The following NCLN variants were observed in gnomAD, a reference collection of about 807,000 sequenced individuals.
The protein encoded by NCLN is nicalin, also known as BOS complex subunit NCLN.
NCLN carries 34 observed loss-of-function variants against 69.5 expected under a neutral mutation model. That is an observed-to-expected ratio of 0.49 (90% confidence interval 0.37 to 0.65). The LOEUF is 0.65. NCLN is among the 30% of genes least tolerant of loss of function. The probability of loss-of-function intolerance (pLI) is 0.00; values close to 1 mark genes in which losing one functional copy is unlikely to be tolerated. For synonymous variants in NCLN, 393 were observed against 358.3 expected, an observed-to-expected ratio of 1.10 and a Z score of -1.09; for missense variants, 710 against 804.8, an observed-to-expected ratio of 0.88 and a Z score of 1.42.
chr19:3,203,442 CGTG>C (rs1568314582), intron 6 of NCLN, among the ~76,000 whole-genome samples: 1 of 152,136 alleles, frequency 6.6e-6, no homozygotes. Flanking sequence ...TGGGGTCTAA[CGTG>C]GGGTGGCCCT....
At chr19:3,192,762 T>A in intron 2 of NCLN, 102 bp downstream of exon 2, 1 of 1,087,624 alleles carries the variant, frequency 9.2e-7, no homozygotes, top group Non-Finnish European at 1.3e-6. Context: ...CTCTGAGCCC[T>A]TTGGAAAGTA....
chr19:3,194,516 A>G (rs1477233795), intron 3 of NCLN, among the ~76,000 whole-genome samples: 1 of 152,252 alleles, frequency 6.6e-6, no homozygotes, highest in Non-Finnish European at 1.5e-5. Context: ...ATTTATGCAC[A>G]GTCCACGGTG....
intron 5 of NCLN, among the ~76,000 whole-genome samples, 180 bp from the exon 6 acceptor site, chr19:3,201,343 C>T (rs963122181): frequency 2.6e-5 from 4 of 152,150 alleles, no homozygotes; most frequent in South Asian, 2.1e-4. Flanking sequence ...GCCCACTGGA[C>T]GTGGCAGAGG....
chr19:3,199,904 G>T (rs932093298), intron 5 of NCLN, among the ~76,000 whole-genome samples: 2 of 151,780 alleles, frequency 1.3e-5, no homozygotes, highest in Non-Finnish European at 2.9e-5. Context: ...GTTTCACCAC[G>T]TTAGCCAGGA....
chr19:3,194,412 C>T (rs544874455), intron 3 of NCLN, among the ~76,000 whole-genome samples: 1 of 152,312 alleles, frequency 6.6e-6, no homozygotes, highest in South Asian at 2.1e-4. Flanking sequence ...CCTACACAGC[C>T]AGATCAGTGG....
At chr19:3,207,513 G>GGAGGA (rs1916303662) in intron 14 of NCLN, 44 bp downstream of exon 14, 1 of 1,609,632 alleles carries the variant, frequency 6.2e-7, no homozygotes, top group African/African-American at 1.3e-5. Flanking sequence ...CCGCCCGCCG[G>GGAGGA]GAGGAGCTGG....
At chr19:3,192,723 T>G in intron 2 of NCLN, 63 bp downstream of exon 2, 1 of 1,424,546 alleles carries the variant, frequency 7.0e-7, no homozygotes, top group Non-Finnish European at 9.2e-7. Context: ...TGGAGGCAAC[T>G]GTGTGACCCT....
In NCLN at chr19:3,186,004, C is replaced by T; in HGVS notation, c.-27C>T. The T allele has an allele frequency of 1.3e-6, 2 of 1,505,990 alleles. No individual in the cohort carries two copies. Among genetic ancestry groups the T allele is most frequent in the Non-Finnish European group, 1.8e-6 (2 of 1,131,068 alleles). 93.3% of individuals were successfully genotyped at this position (1,505,990 alleles called of 1,614,324 possible). ...CGCCGCCGTCCCGTCCCAGCTGCCG[C>T]CCCGCGCGGCCCCGCCGCCGGCCAG... On this transcript the variant is annotated 5_prime_UTR_variant, in exon 1 of 15. Transcript: ENST00000246117.
At position 3,204,696 on chromosome 19, in the gene NCLN, C is replaced by T; in HGVS notation, c.1153C>T (p.Leu385=). Residue 385 remains leucine (L), a synonymous_variant, in exon 9 of 15, where the codon CTG becomes TTG. Coordinates refer to ENST00000246117, the MANE Select transcript of NCLN (RefSeq NM_020170.4). ...CATCCGCCGACTGCCCGCCTTCACG[C>T]TGTCCCACCTGGAGAGCCACCGTGA... ...FAIRRLPAFT[L]SHLESHRDGQ... is the part of the protein sequence containing the mutation. 1.2e-6 allele frequency: 2 copies of T among 1,603,570 alleles called. No individual in the cohort carries two copies. Among genetic ancestry groups the T allele is most frequent in the South Asian group, 1.1e-5 (1 of 89,922 alleles).
rs1329605654 is a variant in NCLN at position 3,205,271 on chromosome 19, TC to T, written c.1208+522del. On this transcript the variant is annotated intron_variant, in intron 9 of 14. Transcript: ENST00000246117. The surrounding 1 kb of genome is among the most constrained non-coding windows in gnomAD (Gnocchi z 4.6). ...AACTGTCTGGCCACCCCAGGCACAC[TC>T]CTGGCCAGTCCTGGCACCAGCAGGT... is the stretch of plus-strand genomic sequence containing the variant. 6.6e-6 allele frequency among the ~76,000 whole-genome samples: 1 copy of T among 152,172 alleles called. No individual in the cohort carries two copies. The highest frequency in any genetic ancestry group is 1.5e-5 in the Non-Finnish European group (1 of 68,018).
chr19:3,195,411 A>G (rs1420522986), intron 3 of NCLN, among the ~76,000 whole-genome samples: 1 of 151,616 alleles, frequency 6.6e-6, no homozygotes, highest in East Asian at 2.0e-4. Flanking sequence ...CACCACGCCC[A>G]GCTAATTTTT....
At chr19:3,199,723 G>GGC (rs1916074527) in intron 5 of NCLN, among the ~76,000 whole-genome samples, 1 of 59,034 alleles carries the variant, frequency 1.7e-5, no homozygotes, top group Non-Finnish European at 2.7e-5. Context: ...TTTTAATTGA[G>GGC]ACAGTCTTGC....
In NCLN at chr19:3,206,269, A is replaced by G; in HGVS notation, c.1343A>G (p.Gln448Arg). 1 of 1,547,036 alleles carries G rather than the reference A, an allele frequency of 6.5e-7. No individual in the cohort carries two copies. Among genetic ancestry groups the G allele is most frequent in the South Asian group, 1.2e-5 (1 of 83,896 alleles). Residue 448 changes from glutamine to arginine, a missense_variant, in exon 12 of 15, where the codon CAG (glutamine) becomes CGG (arginine). Transcript: ENST00000246117. ...MPVFTEQMQI[Q>R]QEQLDSVMDW... ...CCACCACCGTCCCTACAGCAGATCC[A>G]GCAGGAGCAGCTGGACTCGGTGATG...
Position 3,201,644 on chromosome 19 carries a change from C to G in NCLN, c.800+18C>G. ...CACGCCGCGTGAGTGCCGGGGTGGG[C>G]AGGGGGATGGGGGTGCGGGGGCCAC... On this transcript the variant is annotated intron_variant, in intron 6 of 14. Coordinates refer to ENST00000246117, the MANE Select transcript of NCLN (RefSeq NM_020170.4). 1 of 1,485,516 alleles carries G rather than the reference C, an allele frequency of 6.7e-7. No homozygotes were observed. The highest frequency in any genetic ancestry group is 9.1e-7 in the Non-Finnish European group (1 of 1,104,588). The allele number at this position is 1,485,516 out of a possible 1,614,324, so 92.0% of individuals were successfully genotyped here. A position where few individuals can be genotyped will look rare whatever the true frequency, so the allele number is the denominator to read the frequency against.
At position 3,186,147 on chromosome 19, in the gene NCLN, C is replaced by A. The variant is rs1915663237; in HGVS notation, c.117C>A (p.Ala39=). The part of the protein sequence containing the change: ...VLLLVAPPLP[A]ADAAHEFTVY... ...TGCTGGTGGCGCCGCCGCTGCCTGC[C>A]GCCGACGCCGCGCACGAGTTCACCG... The change falls in exon 1 of 15, where the codon GCC becomes GCA. Residue 39 remains alanine (A), a synonymous_variant. Coordinates refer to ENST00000246117, the MANE Select transcript of NCLN (RefSeq NM_020170.4). 6.3e-7 allele frequency: 1 copy of A among 1,596,470 alleles called. No individual in the cohort carries two copies. Among genetic ancestry groups the A allele is most frequent in the Non-Finnish European group, 8.5e-7 (1 of 1,173,706 alleles).
At chr19:3,196,390 G>C (rs1455684234) in intron 4 of NCLN, 113 bp downstream of exon 4, 1 of 756,234 alleles carries the variant, frequency 1.3e-6, no homozygotes, top group Non-Finnish European at 2.1e-6. Flanking sequence ...AACTGGAGTC[G>C]GATCGCCCCC....
At chr19:3,198,613 C>T (rs1308862977) in intron 4 of NCLN, among the ~76,000 whole-genome samples, 1 of 152,106 alleles carries the variant, frequency 6.6e-6, no homozygotes, top group Non-Finnish European at 1.5e-5. Flanking sequence ...GGTCCCTGTT[C>T]CCGGCTCTAC....
chr19:3,189,415 A>C (rs1915752990), intron 1 of NCLN, among the ~76,000 whole-genome samples: 1 of 152,374 alleles, frequency 6.6e-6, no homozygotes, highest in Non-Finnish European at 1.5e-5. Context: ...GCACGCGGTC[A>C]TGCCCATCCA....
chr19:3,201,391 G>A (rs1916122071), intron 5 of NCLN, 132 bp from the exon 6 acceptor site: 2 of 650,166 alleles, frequency 3.1e-6, no homozygotes, highest in South Asian at 1.8e-5. Context: ...TGGCTGCTGT[G>A]GGCAGAGGTC....
Sources: gnomAD v4.1 joint callset for allele counts (sites outside exome capture counted in the v4.1 genomes callset) on GRCh38, gnomAD v4.1.1 for gene constraint, Gnocchi (gnomAD v3.1) non-coding constraint, MANE v1.5 for transcripts, NCBI Gene and HGNC (gene_info 2026-07-23, HGNC 2026-07-21) for gene names.